Variants in ABCC4 observed in about 807,000 individuals in gnomAD.
The protein encoded by ABCC4 is ATP binding cassette subfamily C member 4 (PEL blood group).
A neutral mutation model predicts 168.5 loss-of-function variants in ABCC4; 102 were observed. The ratio of observed to expected loss-of-function variants is 0.61; its 90% CI spans 0.52 to 0.71. The LOEUF is 0.71. ABCC4 is among the 30% of genes least tolerant of loss of function. The pLI is 0.00. For synonymous variants in ABCC4, 617 were observed against 590.7 expected, an observed-to-expected ratio of 1.04 and a Z score of -0.65; for missense variants, 1,402 against 1,605.8, an observed-to-expected ratio of 0.87 and a Z score of 2.17.
chr13:95,220,291 T>C (rs977197508), intron 4 of ABCC4, among the ~76,000 whole-genome samples: 1 of 152,200 alleles, frequency 6.6e-6, no homozygotes. Context: ...GAAGCAATCT[T>C]CACTCTACAG....
chr13:95,224,389 T>C (rs574657782), intron 4 of ABCC4, among the ~76,000 whole-genome samples: 1 of 151,702 alleles, frequency 6.6e-6, no homozygotes, highest in Non-Finnish European at 1.5e-5. Flanking sequence ...AAAAAAAAAA[T>C]TTGTTCAGAT....
At chr13:95,094,026 T>C (rs1678366) in intron 20 of ABCC4, among the ~76,000 whole-genome samples, 73,205 of 151,938 alleles carry the variant, frequency 0.48, 19,331 homozygotes, top group African/African-American at 0.69. Context: ...GAAGAAATCA[T>C]AGACAACACA....
chr13:95,119,506 T>A (rs377629627), intron 19 of ABCC4, among the ~76,000 whole-genome samples: 2 of 152,214 alleles, frequency 1.3e-5, no homozygotes, highest in Non-Finnish European at 2.9e-5. Context: ...TGCTCCTAAC[T>A]TTTTTCCACA....
At chr13:95,161,416 T>C in intron 18 of ABCC4, 81 bp from the exon 19 acceptor site, 1 of 1,161,426 alleles carries the variant, frequency 8.6e-7, no homozygotes, top group Non-Finnish European at 1.2e-6. Flanking sequence ...GCCAGGTAGT[T>C]TATAAAGATG....
chr13:95,263,096 C>T (rs893929928), intron 1 of ABCC4, among the ~76,000 whole-genome samples: 6 of 152,076 alleles, frequency 3.9e-5, no homozygotes, highest in East Asian at 1.9e-4. Flanking sequence ...TGCATCAAAG[C>T]GCAAGGCGGG....
intron 20 of ABCC4, among the ~76,000 whole-genome samples, chr13:95,105,345 C>A (rs971649118): frequency 6.6e-6 from 1 of 152,072 alleles, no homozygotes; most frequent in Non-Finnish European, 1.5e-5. Context: ...TCCTAACAGG[C>A]CACACAGACT....
intron 1 of ABCC4, among the ~76,000 whole-genome samples, chr13:95,299,515 T>C (rs1325108537): frequency 6.6e-6 from 1 of 152,156 alleles, no homozygotes; most frequent in Non-Finnish European, 1.5e-5. Context: ...CTGAGGCCCA[T>C]GGGCTGCCAA....
chr13:95,160,540 T>C (rs972221122), intron 19 of ABCC4, among the ~76,000 whole-genome samples: 2 of 152,198 alleles, frequency 1.3e-5, no homozygotes, highest in Middle Eastern at 3.2e-3. Flanking sequence ...TGAAGATCTA[T>C]ATGGCAGGTT....
intron 30 of ABCC4, among the ~76,000 whole-genome samples, chr13:95,022,967 C>T (rs2031177484): frequency 1.3e-5 from 2 of 152,290 alleles, no homozygotes; most frequent in South Asian, 4.1e-4. Context: ...AAATCTGAGG[C>T]TATTTCCATT....
chr13:95,226,556 C>T (rs534006598), intron 4 of ABCC4, among the ~76,000 whole-genome samples: 24 of 152,186 alleles, frequency 1.6e-4, no homozygotes, highest in Non-Finnish European at 2.8e-4. Flanking sequence ...CCCTGGGAAG[C>T]GAATGTGCTT....
At chr13:95,151,697 T>C (rs531741358) in intron 19 of ABCC4, among the ~76,000 whole-genome samples, 1 of 152,134 alleles carries the variant, frequency 6.6e-6, no homozygotes, top group South Asian at 2.1e-4. Context: ...ACTATTTAAG[T>C]TTGCAAGTCC....
At chr13:95,259,801 T>C (rs749136060) in intron 1 of ABCC4, among the ~76,000 whole-genome samples, 60 of 151,708 alleles carry the variant, frequency 4.0e-4, no homozygotes, top group Non-Finnish European at 7.8e-4. Context: ...TCAAGGCATC[T>C]ATGTTAACAA....
chr13:95,119,194 T>G (rs1331344702), intron 19 of ABCC4, among the ~76,000 whole-genome samples: 1 of 152,166 alleles, frequency 6.6e-6, no homozygotes, highest in Non-Finnish European at 1.5e-5. Flanking sequence ...TTAATGTAAA[T>G]CCACATCACT....
At chr13:95,025,903 T>A (rs1442500067) in intron 30 of ABCC4, among the ~76,000 whole-genome samples, 1 of 151,518 alleles carries the variant, frequency 6.6e-6, no homozygotes, top group African/African-American at 2.4e-5. Context: ...AAAAGTGAAG[T>A]GGAAAAGAAA....
intron 30 of ABCC4, among the ~76,000 whole-genome samples, chr13:95,024,768 C>G (rs1259322732): frequency 6.6e-6 from 1 of 152,148 alleles, no homozygotes; most frequent in Non-Finnish European, 1.5e-5. Context: ...TTAGAAAGGA[C>G]TTCTGCTTTT....
chr13:95,024,206 CAAAAAAAAAAA>C (rs71207428), intron 30 of ABCC4, among the ~76,000 whole-genome samples: 2 of 43,944 alleles, frequency 4.6e-5, no homozygotes, highest in South Asian at 9.3e-4. Context: ...GAGACTGTCT[CAAAAAAAAAAA>C]AAAAAAAAAA....
intron 30 of ABCC4, among the ~76,000 whole-genome samples, chr13:95,025,285 CCA>C (rs1168283881): frequency 1.6e-4 from 6 of 36,388 alleles, no homozygotes; most frequent in East Asian, 1.0e-3. Flanking sequence ...ACACACACCC[CCA>C]CACACACCCA....
At chr13:95,056,248 T>G (rs1253371899) in intron 26 of ABCC4, among the ~76,000 whole-genome samples, 2 of 152,220 alleles carry the variant, frequency 1.3e-5, no homozygotes, top group African/African-American at 4.8e-5. Context: ...TGCTGCCTGA[T>G]GTCCTCAGAG....
rs376482606 is a variant in ABCC4, at chr13:95,095,286, T to TTACCTATC, written c.2536-11997_2536-11996insGATAGGTA. The stretch of plus-strand genomic sequence containing the variant: ...ATGAGTGGATAAAGAAACTGTGAGA[T>TTACCTATC]TATCTATCTATCTATCTATCTATCT... On this transcript the variant is annotated intron_variant, in intron 20 of 30. Coordinates refer to ENST00000645237, the MANE Select transcript of ABCC4 (RefSeq NM_005845.5). 2.0e-5 allele frequency among the ~76,000 whole-genome samples: 3 copies of TTACCTATC among 146,418 alleles called. No individual in the cohort carries two copies. In the East Asian group the frequency reaches 6.1e-4, roughly 30 times the overall value.
Sources: allele counts gnomAD v4.1 joint callset (sites outside exome capture counted in the v4.1 genomes callset), GRCh38; gene constraint gnomAD v4.1.1; transcripts MANE v1.5; gene names NCBI Gene and HGNC (gene_info 2026-07-23, HGNC 2026-07-21).